Variants in LNX1 observed in about 807,000 individuals in gnomAD.
LNX1 encodes the protein E3 ubiquitin-protein ligase LNX.
A neutral mutation model predicts 68.4 loss-of-function variants in LNX1; 54 were observed. The observed-to-expected ratio is 0.79, with a 90% confidence interval of 0.63 to 0.99. The LOEUF is 0.99. Among genes scored for constraint, LNX1 ranks in the 50% least tolerant of loss-of-function variants. The pLI is 0.00. For missense variants in LNX1, 906 were observed against 926.4 expected (o/e 0.98, Z 0.29); for synonymous variants, 336 against 350.0 (o/e 0.96, Z 0.45).
intron 2 of LNX1, among the ~76,000 whole-genome samples, chr4:53,599,016 T>C (rs368768462): frequency 2.0e-5 from 3 of 152,184 alleles, no homozygotes; most frequent in African/African-American, 7.2e-5. Context: ...TGCAGTTACA[T>C]GAGACAGCAG....
At chr4:53,628,214 C>A (rs539606443) in intron 1 of LNX1, among the ~76,000 whole-genome samples, 1 of 152,076 alleles carries the variant, frequency 6.6e-6, no homozygotes, top group Admixed American at 6.6e-5. Flanking sequence ...AGACAACCCA[C>A]AGAATAGGAG....
In LNX1 at chr4:53,459,302, T is replaced by G; in HGVS notation, c.*1605A>C. 1 of 1,308,530 alleles carries G rather than the reference T, an allele frequency of 7.6e-7. No individual in the cohort carries two copies. Among genetic ancestry groups the G allele is most frequent in the Non-Finnish European group, 1.1e-6 (1 of 949,948 alleles). The allele number at this position is 1,308,530 out of a possible 1,614,324, so 81.1% of individuals were successfully genotyped here. A position where few individuals can be genotyped will look rare whatever the true frequency, so the allele number is the denominator to read the frequency against. On this transcript the variant is annotated 3_prime_UTR_variant, in exon 11 of 11. Coordinates refer to ENST00000263925, the MANE Select transcript of LNX1 (RefSeq NM_001126328.3). ...CTTTTTTTTTTTTTTTTTTTTCCAG[T>G]AATAGTAGACGTCGCCATGAAAGTG...
At chr4:53,552,034 T>C (rs1371517680) in intron 2 of LNX1, among the ~76,000 whole-genome samples, 1 of 152,156 alleles carries the variant, frequency 6.6e-6, no homozygotes, top group East Asian at 1.9e-4. Context: ...GAAAATAAAG[T>C]ATAATTTTCT....
At chr4:53,546,951 C>T (rs1729155726) in intron 2 of LNX1, among the ~76,000 whole-genome samples, 1 of 152,188 alleles carries the variant, frequency 6.6e-6, no homozygotes, top group Admixed American at 6.5e-5. Context: ...CATGGAATTT[C>T]CCCTAAGCTA....
chr4:53,537,880 A>T (rs890867915), intron 2 of LNX1, among the ~76,000 whole-genome samples: 1 of 152,216 alleles, frequency 6.6e-6, no homozygotes, highest in East Asian at 1.9e-4. Flanking sequence ...GCTTCCTTTC[A>T]GGAAACGGTG....
chr4:53,577,795 C>T (rs978546160), intron 1 of LNX1, among the ~76,000 whole-genome samples: 3 of 152,036 alleles, frequency 2.0e-5, no homozygotes, highest in Admixed American at 6.6e-5. Context: ...ACTTGCAAAC[C>T]ACCAGACTAG....
rs1734438308 is a variant in LNX1, at chr4:53,635,533, T to A, written c.-215+16635A>T. ...ATTTGGTATTAATATATTGCAATTA[T>A]TTTAATATTATTATAAAGAAAAATA... On this transcript the variant is annotated intron_variant, in intron 1 of 2. Coordinates refer to the LNX1 transcript ENST00000507168. Among the ~76,000 whole-genome samples the A allele has an allele frequency of 3.3e-5, 5 of 152,298 alleles. No individual in the cohort carries two copies. In the South Asian group the frequency reaches 1.0e-3, roughly 32 times the overall value.
intron 9 of LNX1, among the ~76,000 whole-genome samples, chr4:53,469,965 G>A (rs959751539): frequency 1.3e-5 from 2 of 152,198 alleles, no homozygotes; most frequent in African/African-American, 4.8e-5. Context: ...AATAGAAAAA[G>A]AGGGAATCCT....
At chr4:53,587,423 CT>C (rs1336719543) in intron 1 of LNX1, among the ~76,000 whole-genome samples, 4 of 152,108 alleles carry the variant, frequency 2.6e-5, no homozygotes, top group African/African-American at 7.2e-5. Flanking sequence ...TTTGAAAAGC[CT>C]TTGATACTTT....
At chr4:53,477,307 C>G (rs1384516314) in intron 8 of LNX1, among the ~76,000 whole-genome samples, 2 of 152,116 alleles carry the variant, frequency 1.3e-5, no homozygotes, top group Non-Finnish European at 2.9e-5. Flanking sequence ...CTTTTTCACT[C>G]TTTTGTTTCT....
chr4:53,649,341 A>G (rs1482548048), intron 1 of LNX1, among the ~76,000 whole-genome samples: 3 of 152,214 alleles, frequency 2.0e-5, no homozygotes, highest in Non-Finnish European at 4.4e-5. Flanking sequence ...CAATCCCACA[A>G]GGCGACTACT....
chr4:53,466,579 C>A (rs1411458183), intron 9 of LNX1, among the ~76,000 whole-genome samples: 2 of 152,218 alleles, frequency 1.3e-5, no homozygotes, highest in African/African-American at 4.8e-5. Context: ...AGGGAATTCC[C>A]TTTCCTAGTC....
At chr4:53,632,939 C>G (rs1278279208) in intron 1 of LNX1, among the ~76,000 whole-genome samples, 1 of 152,228 alleles carries the variant, frequency 6.6e-6, no homozygotes, top group East Asian at 1.9e-4. Context: ...ATCCTATGTA[C>G]AAGAATCCTT....
At chr4:53,469,329 A>G (rs1722964234) in intron 9 of LNX1, among the ~76,000 whole-genome samples, 1 of 152,236 alleles carries the variant, frequency 6.6e-6, no homozygotes, top group South Asian at 2.1e-4. Context: ...TCTCTGGGAC[A>G]CATTCAAAGC....
At chr4:53,572,538 C>T (rs1265683230) in intron 2 of LNX1, among the ~76,000 whole-genome samples, 1 of 152,166 alleles carries the variant, frequency 6.6e-6, no homozygotes, top group Non-Finnish European at 1.5e-5. Flanking sequence ...GGTATGTGAC[C>T]TTTAAAAAAA....
Position 53,501,299 on chromosome 4 carries a change from T to TTGGG in LNX1, c.776-2457_776-2456insCCCA, listed in dbSNP as rs56165716. 7.7e-3 allele frequency among the ~76,000 whole-genome samples: 298 copies of TTGGG among 38,662 alleles called. 33 individuals are homozygous for TTGGG. Among genetic ancestry groups the TTGGG allele is most frequent in the Non-Finnish European group, 0.013 (188 of 14,278 alleles). The allele number at this position is 38,662 out of a possible 152,430, so 25.4% of individuals were successfully genotyped here. A position where few individuals can be genotyped will look rare whatever the true frequency, so the allele number is the denominator to read the frequency against. On this transcript the variant is annotated intron_variant, in intron 4 of 10. Transcript: ENST00000263925. ...TAATAATCTTTTTTTTTTTTTTTTT[T>TTGGG]GGGGGTGGGGGGACAGGATCTCACT...
At chr4:53,605,903 C>T (rs563066417) in intron 2 of LNX1, among the ~76,000 whole-genome samples, 1 of 152,262 alleles carries the variant, frequency 6.6e-6, no homozygotes, top group East Asian at 1.9e-4. Flanking sequence ...CAGCAATCAC[C>T]AGATATCAGC....
At chr4:53,526,441 G>C (rs1434629877) in intron 2 of LNX1, among the ~76,000 whole-genome samples, 2 of 140,212 alleles carry the variant, frequency 1.4e-5, no homozygotes, top group African/African-American at 2.8e-5. Context: ...CTTAGTATCA[G>C]AATGCCTACT....
At position 53,481,802 on chromosome 4, in the gene LNX1, C is replaced by T. The variant is rs761745938; in HGVS notation, c.1403G>A (p.Ser468Asn). 2 of 1,613,428 alleles carry T rather than the reference C, an allele frequency of 1.2e-6. No homozygotes were observed. The highest frequency in any genetic ancestry group is 2.2e-5 in the South Asian group (2 of 90,986). Reference protein sequence around the residue: ...LVVSRQVRQRSPDIFQEAGWN... With the variant: ...LVVSRQVRQRNPDIFQEAGWN... ...GCCGGCTTCCTGAAAGATGTCAGGG[C>T]TCCGCTGCCGAACCTGGCGGGACAC... The change falls in exon 7 of 11, where the codon AGC (serine) becomes AAC (asparagine). Residue 468 changes from serine (S) to asparagine (N), a missense_variant. Transcript: ENST00000263925.
Sources: allele counts gnomAD v4.1 joint callset (sites outside exome capture counted in the v4.1 genomes callset), GRCh38; gene constraint gnomAD v4.1.1; transcripts MANE v1.5; gene names NCBI Gene and HGNC (gene_info 2026-07-23, HGNC 2026-07-21).